The following DLG2 variants were observed in gnomAD, a reference collection of about 807,000 sequenced individuals.
DLG2 encodes the protein discs large MAGUK scaffold protein 2, also known as disks large homolog 2.
In DLG2, 45 loss-of-function variants were observed where a neutral mutation model predicts 132.5. The observed-to-expected ratio is 0.34, with a 90% confidence interval of 0.27 to 0.44. The LOEUF is 0.44. Ranked by LOEUF, DLG2 falls within the 20% of genes least tolerant of loss-of-function variation. The pLI, the probability that DLG2 is intolerant of heterozygous loss-of-function variation, is 1.00. For synonymous variants in DLG2, 424 were observed against 419.6 expected (o/e 1.01, Z -0.13); for missense variants, 1,045 against 1,196.9 (o/e 0.87, Z 1.87).
intron 11 of DLG2, among the ~76,000 whole-genome samples, chr11:83,991,927 T>C (rs1429226247): frequency 6.6e-6 from 1 of 152,096 alleles, no homozygotes; most frequent in African/African-American, 2.4e-5. Flanking sequence ...AGGATTAGGG[T>C]CCATTGATTG....
At chr11:84,695,621 T>G (rs1467513104) in intron 6 of DLG2, among the ~76,000 whole-genome samples, 1 of 151,566 alleles carries the variant, frequency 6.6e-6, no homozygotes, top group African/African-American at 2.4e-5. Context: ...TGTATCAGCA[T>G]TTTAAATATA....
At chr11:85,470,608 C>A (rs984590203) in intron 3 of DLG2, among the ~76,000 whole-genome samples, 1 of 152,054 alleles carries the variant, frequency 6.6e-6, no homozygotes, top group Non-Finnish European at 1.5e-5. Flanking sequence ...CCCAGCTACT[C>A]AGGGGGCTGA....
chr11:85,538,435 T>C (rs919820932), intron 3 of DLG2, among the ~76,000 whole-genome samples: 4 of 152,048 alleles, frequency 2.6e-5, no homozygotes, highest in Middle Eastern at 3.4e-3. Context: ...AGTGTGGTGA[T>C]TCCTCAAAGA....
intron 6 of DLG2, among the ~76,000 whole-genome samples, chr11:85,045,325 T>C (rs1297497084): frequency 1.3e-5 from 2 of 152,084 alleles, no homozygotes; most frequent in Admixed American, 1.3e-4. Context: ...GGTAATATTT[T>C]GGCTCCATCT....
intron 3 of DLG2, among the ~76,000 whole-genome samples, chr11:85,498,177 G>A (rs528854391): frequency 1.3e-5 from 2 of 152,238 alleles, no homozygotes; most frequent in Non-Finnish European, 2.9e-5. Context: ...GCTATATTCA[G>A]GAGACTCATC....
intron 15 of DLG2, among the ~76,000 whole-genome samples, chr11:83,875,620 C>G (rs2064567611): frequency 6.6e-6 from 1 of 152,148 alleles, no homozygotes; most frequent in Non-Finnish European, 1.5e-5. Flanking sequence ...GCCAACTTTA[C>G]TGAATGTGTA....
At chr11:85,324,201 CCT>C (rs993196794) in intron 3 of DLG2, among the ~76,000 whole-genome samples, 7 of 152,130 alleles carry the variant, frequency 4.6e-5, no homozygotes, top group African/African-American at 1.7e-4. Flanking sequence ...CCACTTCTCC[CCT>C]GAGTTCACCA....
At chr11:84,238,332 T>C (rs982909230) in intron 8 of DLG2, among the ~76,000 whole-genome samples, 3 of 151,998 alleles carry the variant, frequency 2.0e-5, no homozygotes, top group Admixed American at 6.6e-5. Context: ...CTGGGCAACA[T>C]GGCAAAACTC....
chr11:85,025,348 C>T (rs929488730), intron 6 of DLG2, among the ~76,000 whole-genome samples: 2 of 152,106 alleles, frequency 1.3e-5, no homozygotes, highest in African/African-American at 4.8e-5. Context: ...GAACTGTTAC[C>T]ATAAAGAAGT....
chr11:84,153,565 G>A (rs1049539310), intron 9 of DLG2, among the ~76,000 whole-genome samples: 18 of 151,252 alleles, frequency 1.2e-4, no homozygotes, highest in Middle Eastern at 3.2e-3. Flanking sequence ...CTTTATTTTT[G>A]TCTGACTGTG....
At chr11:85,169,325 C>T (rs2078680476) in intron 4 of DLG2, among the ~76,000 whole-genome samples, 1 of 151,880 alleles carries the variant, frequency 6.6e-6, no homozygotes, top group Non-Finnish European at 1.5e-5. Flanking sequence ...AGTGTAGGGG[C>T]AAAGGAAATT....
At chr11:84,755,641 A>G (rs2153837260) in intron 6 of DLG2, among the ~76,000 whole-genome samples, 1 of 152,202 alleles carries the variant, frequency 6.6e-6, no homozygotes, top group South Asian at 2.1e-4. Flanking sequence ...GCCAGGATGG[A>G]CTCAATCTCC....
intron 9 of DLG2, among the ~76,000 whole-genome samples, chr11:84,123,291 C>A (rs1329450697): frequency 6.6e-6 from 1 of 152,198 alleles, no homozygotes; most frequent in Non-Finnish European, 1.5e-5. Flanking sequence ...ATGCAATAAA[C>A]TACTCCTCTT....
intron 6 of DLG2, among the ~76,000 whole-genome samples, chr11:85,004,542 C>T (rs1440501306): frequency 2.6e-5 from 4 of 152,068 alleles, no homozygotes; most frequent in African/African-American, 9.7e-5. Flanking sequence ...CTGTTCATGT[C>T]CTTTGCCTAC....
At chr11:85,265,498 C>T (rs758981165) in intron 4 of DLG2, among the ~76,000 whole-genome samples, 4 of 152,128 alleles carry the variant, frequency 2.6e-5, no homozygotes, top group African/African-American at 4.8e-5. Flanking sequence ...GCACTCTGGC[C>T]CCCACGACAT....
chr11:84,184,478 T>G (rs566770964), intron 8 of DLG2, among the ~76,000 whole-genome samples: 24 of 152,194 alleles, frequency 1.6e-4, no homozygotes, highest in Non-Finnish European at 3.1e-4. Flanking sequence ...TAGCCCTTTG[T>G]CAGATGAGTA....
At chr11:84,595,157 C>T in intron 6 of DLG2, among the ~76,000 whole-genome samples, 1 of 152,074 alleles carries the variant, frequency 6.6e-6, no homozygotes, top group Non-Finnish European at 1.5e-5. Flanking sequence ...ATTTCTGAAG[C>T]ACAGTGGTGT....
chr11:85,176,273 G>A (rs2079235342), intron 4 of DLG2, among the ~76,000 whole-genome samples: 2 of 151,932 alleles, frequency 1.3e-5, no homozygotes, highest in Non-Finnish European at 2.9e-5. Context: ...GACACCTAGA[G>A]CAATGGAACA....
At chr11:85,305,735 G>C (rs2079896423) in intron 3 of DLG2, among the ~76,000 whole-genome samples, 2 of 152,122 alleles carry the variant, frequency 1.3e-5, no homozygotes, top group African/African-American at 4.8e-5. Context: ...GGATGGTCTG[G>C]ATCTCCTGAC....
Sources: allele counts gnomAD v4.1 joint callset (sites outside exome capture counted in the v4.1 genomes callset), GRCh38; gene constraint gnomAD v4.1.1; transcripts MANE v1.5; gene names NCBI Gene and HGNC (gene_info 2026-07-23, HGNC 2026-07-21).